NTNG1: variants seen among roughly 807,000 people sequenced by gnomAD.
NTNG1 encodes netrin G1.
A neutral mutation model predicts 54.0 loss-of-function variants in NTNG1; 16 were observed. That is an observed-to-expected ratio of 0.30 (90% CI 0.20 to 0.45). The LOEUF is 0.45. Ranked by LOEUF, NTNG1 falls within the 20% of genes least tolerant of loss-of-function variation. The pLI, the probability that NTNG1 is intolerant of heterozygous loss-of-function variation, is 1.00. For missense variants in NTNG1, 530 were observed against 678.7 expected, an observed-to-expected ratio of 0.78 and a Z score of 2.43; for synonymous variants, 255 against 263.1, an observed-to-expected ratio of 0.97 and a Z score of 0.30.
At chr1:107,410,062 T>C (rs1174343682) in intron 5 of NTNG1, 2 of 152,186 alleles carry the variant, frequency 1.3e-5, no homozygotes, top group African/African-American at 4.8e-5. Context: ...AGCTAAGTTA[T>C]GGGTGTTTGC....
intron 3 of NTNG1, among the ~76,000 whole-genome samples, chr1:107,354,777 T>C (rs1669841584): frequency 6.6e-6 from 1 of 152,164 alleles, no homozygotes; most frequent in Non-Finnish European, 1.5e-5. Context: ...CGCTTCCTCA[T>C]CCGCTTCCAC....
intron 2 of NTNG1, among the ~76,000 whole-genome samples, chr1:107,188,604 T>A (rs1657653015): frequency 1.3e-5 from 2 of 152,132 alleles, no homozygotes. Flanking sequence ...GGTATGAGCC[T>A]GAAGAAAACA....
chr1:107,191,886 G>A (rs1570806843), intron 2 of NTNG1, among the ~76,000 whole-genome samples: 2 of 152,002 alleles, frequency 1.3e-5, no homozygotes, highest in Admixed American at 1.3e-4. Flanking sequence ...TGTTCTTTTG[G>A]CTTAGGATTG....
At chr1:107,342,903 G>C (rs1282271609) in intron 3 of NTNG1, among the ~76,000 whole-genome samples, 2 of 152,064 alleles carry the variant, frequency 1.3e-5, no homozygotes, top group African/African-American at 2.4e-5. Flanking sequence ...ACATGGATAA[G>C]ACACACTCCC....
intron 6 of NTNG1, among the ~76,000 whole-genome samples, chr1:107,434,802 C>A (rs1035267295): frequency 6.6e-6 from 1 of 152,090 alleles, no homozygotes; most frequent in Non-Finnish European, 1.5e-5. Flanking sequence ...AAATATGATC[C>A]TCCAAGACTC....
At chr1:107,432,029 T>C (rs958939560) in intron 6 of NTNG1, among the ~76,000 whole-genome samples, 10 of 152,202 alleles carry the variant, frequency 6.6e-5, no homozygotes, top group African/African-American at 1.9e-4. Flanking sequence ...GTATATATAA[T>C]ACTGTTGGTG....
intron 5 of NTNG1, among the ~76,000 whole-genome samples, chr1:107,428,584 AC>A (rs1180526633): frequency 2.6e-5 from 4 of 152,092 alleles, no homozygotes; most frequent in Non-Finnish European, 4.4e-5. Context: ...AGAGGAGGCG[AC>A]CCAGGGGCAG....
chr1:107,260,057 C>T (rs9435345), intron 2 of NTNG1, among the ~76,000 whole-genome samples: 128,975 of 152,234 alleles, frequency 0.85, 58,526 homozygotes, highest in Non-Finnish European at 1. Context: ...AAATATGACT[C>T]TGGAATGCAC....
chr1:107,430,960 A>G, intron 6 of NTNG1, 43 bp downstream of exon 6: 1 of 1,587,392 alleles, frequency 6.3e-7, no homozygotes, highest in African/African-American at 1.3e-5. Context: ...GTGCCTTTTG[A>G]GCTACGGGGA....
chr1:107,175,328 G>A (rs1656566476), intron 2 of NTNG1, among the ~76,000 whole-genome samples: 1 of 152,124 alleles, frequency 6.6e-6, no homozygotes, highest in South Asian at 2.1e-4. Flanking sequence ...GAATTCAACA[G>A]CCTGCAAAAG....
intron 2 of NTNG1, among the ~76,000 whole-genome samples, chr1:107,166,460 A>G (rs1655801831): frequency 6.6e-6 from 1 of 152,182 alleles, no homozygotes; most frequent in Non-Finnish European, 1.5e-5. Context: ...GCAATAATGT[A>G]GGTGAAGGTA....
At chr1:107,273,821 A>G (rs1664306187) in intron 2 of NTNG1, among the ~76,000 whole-genome samples, 1 of 152,232 alleles carries the variant, frequency 6.6e-6, no homozygotes, top group Non-Finnish European at 1.5e-5. Flanking sequence ...TATGCATTAA[A>G]TGAACTAAAT....
intron 3 of NTNG1, among the ~76,000 whole-genome samples, chr1:107,330,110 C>A (rs1668194441): frequency 6.6e-6 from 1 of 151,924 alleles, no homozygotes; most frequent in Admixed American, 6.6e-5. Flanking sequence ...ACAAATTATA[C>A]CTAAAAACAG....
intron 3 of NTNG1, among the ~76,000 whole-genome samples, chr1:107,332,775 C>A (rs772301360): frequency 3.3e-5 from 5 of 151,916 alleles, no homozygotes; most frequent in Non-Finnish European, 7.4e-5. Context: ...CAATATGGGT[C>A]TATATTTTCA....
chr1:107,157,197 G>A (rs1362708503), intron 2 of NTNG1, among the ~76,000 whole-genome samples: 2 of 152,048 alleles, frequency 1.3e-5, no homozygotes, highest in East Asian at 1.9e-4. Context: ...TTTGAAACTC[G>A]AATAAGTGGA....
chr1:107,324,961 T>A (rs774923522), intron 3 of NTNG1, 39 bp downstream of exon 3: 8 of 1,551,124 alleles, frequency 5.2e-6, no homozygotes, highest in African/African-American at 4.1e-5. Context: ...GGAACGGGTG[T>A]GTCCAAAGAA....
chr1:107,458,575 T>C (rs1206433280), intron 7 of NTNG1, among the ~76,000 whole-genome samples: 1 of 152,186 alleles, frequency 6.6e-6, no homozygotes, highest in African/African-American at 2.4e-5. Context: ...TGTGCACTGC[T>C]TCCTTTTTAA....
At chr1:107,296,538 C>T (rs2101785065) in intron 2 of NTNG1, among the ~76,000 whole-genome samples, 1 of 149,600 alleles carries the variant, frequency 6.7e-6, no homozygotes, top group Non-Finnish European at 1.5e-5. Context: ...AATATCATTC[C>T]AGTTATATAT....
intron 3 of NTNG1, among the ~76,000 whole-genome samples, chr1:107,371,066 C>A (rs1370544849): frequency 6.6e-6 from 1 of 151,998 alleles, no homozygotes. Flanking sequence ...AAAAAGAAAG[C>A]ATTCTGTCTT....
Sources: gnomAD v4.1 joint callset for allele counts (sites outside exome capture counted in the v4.1 genomes callset) on GRCh38, gnomAD v4.1.1 for gene constraint, MANE v1.5 for transcripts, NCBI Gene and HGNC (gene_info 2026-07-23, HGNC 2026-07-21) for gene names.